AUTS2: variants seen among roughly 807,000 people sequenced by gnomAD.
The protein encoded by AUTS2 is autism susceptibility gene 2 protein.
A neutral mutation model predicts 112.4 loss-of-function variants in AUTS2; 17 were observed. That is an observed-to-expected ratio of 0.15 (90% CI 0.10 to 0.23). AUTS2 has a LOEUF of 0.23. AUTS2 is among the 10% of genes least tolerant of loss of function. AUTS2 has a pLI of 1.00. For synonymous variants in AUTS2, 751 were observed against 702.7 expected, an observed-to-expected ratio of 1.07 and a Z score of -1.09; for missense variants, 1,510 against 1,701.6, an observed-to-expected ratio of 0.89 and a Z score of 1.98.
intron 2 of AUTS2, among the ~76,000 whole-genome samples, chr7:70,096,354 T>C (rs1584715621): frequency 6.6e-6 from 1 of 152,082 alleles, no homozygotes; most frequent in African/African-American, 2.4e-5. Flanking sequence ...CCCAGCACTT[T>C]GGGAGGCTGA....
rs539156041 is a variant in AUTS2 at position 70,754,030 on chromosome 7, G to A, written c.743-8840G>A. On this transcript the variant is annotated intron_variant, in intron 6 of 18. Transcript: ENST00000342771. ...AAAAAAATCAGCCAGGCGTGGTGGC[G>A]GGTGCCTGTAGTCCCAGCTACTGGG... Among the ~76,000 whole-genome samples the A allele has an allele frequency of 2.0e-5, 3 of 152,010 alleles. No individual in the cohort carries two copies. The South Asian group carries it at 6.2e-4, about 32-fold the overall frequency.
intron 1 of AUTS2, among the ~76,000 whole-genome samples, chr7:69,738,874 G>A (rs1482372638): frequency 6.6e-6 from 1 of 152,120 alleles, no homozygotes; most frequent in African/African-American, 2.4e-5. Context: ...GGTAATCAGT[G>A]TGGAGGAAGG....
chr7:70,004,710 TG>T (rs1047064690), intron 2 of AUTS2, among the ~76,000 whole-genome samples: 3 of 151,658 alleles, frequency 2.0e-5, no homozygotes, highest in African/African-American at 7.3e-5. Flanking sequence ...GTTCATGAGC[TG>T]GGGGAAAAAA....
intron 3 of AUTS2, 169 bp downstream of exon 3, chr7:70,118,402 T>C (rs1259033665): frequency 1.3e-6 from 1 of 790,286 alleles, no homozygotes; most frequent in Non-Finnish European, 1.8e-6. Context: ...TTGAGCATTG[T>C]AGTTATGGTG....
At chr7:70,326,920 T>TTC (rs1245095925) in intron 4 of AUTS2, among the ~76,000 whole-genome samples, 1 of 147,198 alleles carries the variant, frequency 6.8e-6, no homozygotes, top group Non-Finnish European at 1.5e-5. Context: ...CTTGGTTCTT[T>TTC]TTTTTTTTTT....
chr7:70,388,966 T>C (rs1176828085), intron 4 of AUTS2, among the ~76,000 whole-genome samples: 2 of 152,216 alleles, frequency 1.3e-5, no homozygotes, highest in Non-Finnish European at 2.9e-5. Flanking sequence ...AAGATGATAT[T>C]GGCTGCCTCT....
chr7:70,712,718 G>A (rs917435747), intron 6 of AUTS2, among the ~76,000 whole-genome samples: 1 of 152,174 alleles, frequency 6.6e-6, no homozygotes, highest in Admixed American at 6.5e-5. Context: ...ATGCTCAGAC[G>A]ATCCACAGAG....
At chr7:70,350,167 A>G (rs968019231) in intron 4 of AUTS2, among the ~76,000 whole-genome samples, 1 of 152,208 alleles carries the variant, frequency 6.6e-6, no homozygotes, top group South Asian at 2.1e-4. Flanking sequence ...GGCTAAGTAG[A>G]TGAAGAGTGG....
chr7:70,324,520 G>A (rs756511876), intron 4 of AUTS2, among the ~76,000 whole-genome samples: 74 of 152,070 alleles, frequency 4.9e-4, no homozygotes, highest in Non-Finnish European at 9.9e-4. Context: ...AACCACTCGG[G>A]AGGCTGAGGT....
chr7:70,764,638 G>A, intron 7 of AUTS2, 114 bp from the exon 8 acceptor site: 1 of 650,730 alleles, frequency 1.5e-6, no homozygotes. Flanking sequence ...AAAGAGGAAG[G>A]GGCAAGAGAG....
chr7:69,915,804 G>C (rs1411623763), intron 2 of AUTS2, among the ~76,000 whole-genome samples: 2 of 152,150 alleles, frequency 1.3e-5, no homozygotes, highest in Admixed American at 6.5e-5. Flanking sequence ...TTGGCTCACT[G>C]TACCCTCTGC....
chr7:69,952,443 T>C (rs1297019100), intron 2 of AUTS2, among the ~76,000 whole-genome samples: 1 of 152,138 alleles, frequency 6.6e-6, no homozygotes, highest in Non-Finnish European at 1.5e-5. Flanking sequence ...GTAGTAAGCT[T>C]TTTCGTTTAC....
At chr7:69,802,720 C>T (rs940715650) in intron 1 of AUTS2, among the ~76,000 whole-genome samples, 2 of 152,120 alleles carry the variant, frequency 1.3e-5, no homozygotes, top group Non-Finnish European at 2.9e-5. Flanking sequence ...CAACATCTTG[C>T]TTTTCAGTGT....
chr7:70,110,826 G>A (rs947778261), intron 2 of AUTS2, among the ~76,000 whole-genome samples: 22 of 146,198 alleles, frequency 1.5e-4, no homozygotes, highest in African/African-American at 5.5e-4. Flanking sequence ...TACGATACAT[G>A]AATTTCAAGG....
intron 1 of AUTS2, among the ~76,000 whole-genome samples, chr7:69,648,243 T>C (rs1487877235): frequency 6.6e-6 from 1 of 152,104 alleles, no homozygotes; most frequent in Non-Finnish European, 1.5e-5. Context: ...ACAAGACATA[T>C]ATGTATAATG....
rs994364742 is a variant in AUTS2 at position 70,004,415 on chromosome 7, AAT to A, written c.522+104922_522+104923del. Among the ~76,000 whole-genome samples, 4 of 45,534 alleles carry A rather than the reference AAT, an allele frequency of 8.8e-5. No individual in the cohort carries two copies. The Admixed American group carries it at 1.1e-3, about 13-fold the overall frequency. 29.9% of individuals were successfully genotyped at this position (45,534 alleles called of 152,430 possible). On this transcript the variant is annotated intron_variant, in intron 2 of 18. Transcript: ENST00000342771. ...TATATGAATATATATGTGAATATATAATATATTATATATATATATATATAAAA... is the reference window on the plus strand; with the variant it reads ...TATATGAATATATATGTGAATATATAATATTATATATATATATATATAAAA...
chr7:70,671,099 TG>T (rs1231943340), intron 5 of AUTS2, among the ~76,000 whole-genome samples: 1 of 151,730 alleles, frequency 6.6e-6, no homozygotes, highest in Non-Finnish European at 1.5e-5. Context: ...TTGAACCTGG[TG>T]GGGGGATGGG....
rs575580642 is a variant in AUTS2 at position 70,731,586 on chromosome 7, T to C, written c.743-31284T>C. ...CTGGTACTACAGGTGCCCGCCACCA[T>C]GCCCGGCTAATTTTTTATATTTTTA... On this transcript the variant is annotated intron_variant, in intron 6 of 18. Coordinates refer to ENST00000342771, the MANE Select transcript of AUTS2 (RefSeq NM_015570.4). Among the ~76,000 whole-genome samples, 127 of 151,858 alleles carry C rather than the reference T, an allele frequency of 8.4e-4. 1 individual carries two copies. The South Asian group carries it at 0.013, about 15-fold the overall frequency.
chr7:69,758,225 T>C (rs928567852), intron 1 of AUTS2, among the ~76,000 whole-genome samples: 3 of 152,146 alleles, frequency 2.0e-5, no homozygotes, highest in Admixed American at 1.3e-4. Flanking sequence ...GTGTTTTTGG[T>C]TTTGTTTTAA....
Sources: gnomAD v4.1 joint callset for allele counts (sites outside exome capture counted in the v4.1 genomes callset) on GRCh38, gnomAD v4.1.1 for gene constraint, MANE v1.5 for transcripts, NCBI Gene and HGNC (gene_info 2026-07-23, HGNC 2026-07-21) for gene names.